The following KIF13B variants were observed in gnomAD, a reference collection of about 807,000 sequenced individuals.
The protein encoded by KIF13B is kinesin family member 13B, also known as kinesin-like protein KIF13B.
In KIF13B, 127 loss-of-function variants were observed where a neutral mutation model predicts 222.0. That is an observed-to-expected ratio of 0.57 (90% CI 0.50 to 0.66). KIF13B has a LOEUF of 0.66. KIF13B is among the 30% of genes least tolerant of loss of function. The probability of loss-of-function intolerance (pLI) is 0.00; values close to 1 mark genes in which losing one functional copy is unlikely to be tolerated. For missense variants in KIF13B, 2,173 were observed against 2,379.0 expected (o/e 0.91, Z 1.80); for synonymous variants, 976 against 919.0 (o/e 1.06, Z -1.12).
chr8:29,227,300 A>G (rs1210160334), intron 2 of KIF13B, among the ~76,000 whole-genome samples: 1 of 151,742 alleles, frequency 6.6e-6, no homozygotes, highest in Admixed American at 6.6e-5. Context: ...TTTATTTTTT[A>G]TTTTTTGAGA....
At chr8:29,092,275 G>T (rs922635001) in intron 37 of KIF13B, among the ~76,000 whole-genome samples, 2 of 152,176 alleles carry the variant, frequency 1.3e-5, no homozygotes, top group African/African-American at 4.8e-5. Flanking sequence ...AGAGTTTTAA[G>T]AGAAAAGGAT....
chr8:29,147,700 T>C (rs1269028665), intron 16 of KIF13B, 98 bp from the exon 17 acceptor site: 4 of 835,068 alleles, frequency 4.8e-6, no homozygotes, highest in South Asian at 1.7e-5. Flanking sequence ...ATCTTAACTA[T>C]ACCACCTAAT....
intron 37 of KIF13B, among the ~76,000 whole-genome samples, chr8:29,090,556 G>C (rs904001267): frequency 6.6e-6 from 1 of 152,100 alleles, no homozygotes; most frequent in African/African-American, 2.4e-5. Context: ...AGGACAAGGC[G>C]GTGTGGGCAA....
intron 21 of KIF13B, among the ~76,000 whole-genome samples, chr8:29,136,071 T>TAC (rs1210297751): frequency 6.6e-6 from 1 of 152,208 alleles, no homozygotes; most frequent in African/African-American, 2.4e-5. Context: ...CCTAGATAGC[T>TAC]ACTTCCTGAC....
At chr8:29,147,237 A>T (rs1392613465) in intron 17 of KIF13B, among the ~76,000 whole-genome samples, 155 bp downstream of exon 17, 1 of 152,260 alleles carries the variant, frequency 6.6e-6, no homozygotes, top group Non-Finnish European at 1.5e-5. Flanking sequence ...CCTTTTAAAA[A>T]CAAATGCAAA....
chr8:29,231,424 C>T (rs1815280633), intron 2 of KIF13B, among the ~76,000 whole-genome samples: 2 of 152,160 alleles, frequency 1.3e-5, no homozygotes, highest in Non-Finnish European at 2.9e-5. Context: ...TACCCAATCC[C>T]CCAAAGAAGA....
intron 2 of KIF13B, among the ~76,000 whole-genome samples, chr8:29,207,514 C>T (rs1010806141): frequency 3.3e-5 from 5 of 152,078 alleles, no homozygotes; most frequent in Admixed American, 1.3e-4. Context: ...CATGAAATGA[C>T]GAGCTTGTCT....
intron 30 of KIF13B, 83 bp downstream of exon 30, chr8:29,118,785 A>T: frequency 7.2e-7 from 1 of 1,391,244 alleles, no homozygotes; most frequent in African/African-American, 1.5e-5. Flanking sequence ...TACTGGCATG[A>T]TTGCCTTATT....
chr8:29,137,031 A>G (rs955973870), intron 21 of KIF13B, among the ~76,000 whole-genome samples: 1 of 151,736 alleles, frequency 6.6e-6, no homozygotes, highest in African/African-American at 2.4e-5. Context: ...CGATCTCCTG[A>G]CCTTGTGATC....
intron 29 of KIF13B, among the ~76,000 whole-genome samples, chr8:29,119,423 G>A (rs1322792839): frequency 2.6e-5 from 4 of 152,186 alleles, no homozygotes; most frequent in Admixed American, 6.5e-5. Flanking sequence ...TGGAAGGACT[G>A]CACCATGGCC....
In KIF13B at chr8:29,070,558, G is replaced by A. The variant is rs1399252631; in HGVS notation, c.5427C>T (p.Ala1809=). 1.2e-6 allele frequency: 2 copies of A among 1,608,122 alleles called. No individual in the cohort carries two copies. Among genetic ancestry groups the A allele is most frequent in the Admixed American group, 3.4e-5 (2 of 59,520 alleles). ...TNLASLTAAL[A]KADRSHKNPE... is the part of the protein sequence containing the mutation. ...GGTTCTTGTGGCTCCTGTCGGCCTT[G>A]GCCAGGGCAGCTGTCAGCGAGGCCA... Residue 1809 remains alanine (A), a synonymous_variant, in exon 40 of 40, where the codon GCC becomes GCT. Coordinates refer to ENST00000524189, the MANE Select transcript of KIF13B (RefSeq NM_015254.4). This position sits in a 1 kb window ranked among gnomAD's most constrained non-coding sequence, Gnocchi z 4.1.
intron 35 of KIF13B, among the ~76,000 whole-genome samples, chr8:29,103,820 G>A (rs1426725248): frequency 6.6e-6 from 1 of 152,014 alleles, no homozygotes; most frequent in Non-Finnish European, 1.5e-5. Context: ...GTTACTCGGG[G>A]ACCCCAAGGA....
intron 4 of KIF13B, chr8:29,189,697 AG>A (rs1305823812): frequency 6.6e-6 from 1 of 152,324 alleles, no homozygotes; most frequent in Non-Finnish European, 1.5e-5. Flanking sequence ...CCTGCAGCCT[AG>A]GGTTCCTTTT....
chr8:29,231,703 A>G (rs1304134192), intron 2 of KIF13B, among the ~76,000 whole-genome samples: 1 of 152,332 alleles, frequency 6.6e-6, no homozygotes, highest in East Asian at 1.9e-4. Context: ...GACAGTTTGC[A>G]TTTCACAGGT....
At chr8:29,158,878 A>G (rs1392105963) in intron 13 of KIF13B, among the ~76,000 whole-genome samples, 1 of 152,202 alleles carries the variant, frequency 6.6e-6, no homozygotes, top group East Asian at 1.9e-4. Context: ...TTCTTTGTTT[A>G]CGTTTTTAGT....
intron 23 of KIF13B, 78 bp from the exon 24 acceptor site, chr8:29,130,743 G>T (rs1489807437): frequency 8.3e-6 from 11 of 1,331,136 alleles, no homozygotes; most frequent in African/African-American, 1.5e-5. Context: ...ACACACATAA[G>T]AATTAACAAT....
At chr8:29,178,362 T>C (rs1812569286) in intron 8 of KIF13B, among the ~76,000 whole-genome samples, 1 of 152,202 alleles carries the variant, frequency 6.6e-6, no homozygotes, top group African/African-American at 2.4e-5. Flanking sequence ...CTTATTCATA[T>C]ATAATTCCAT....
intron 2 of KIF13B, among the ~76,000 whole-genome samples, chr8:29,204,660 C>G (rs1464126046): frequency 6.6e-6 from 1 of 152,168 alleles, no homozygotes; most frequent in South Asian, 2.1e-4. Flanking sequence ...AATACACACT[C>G]ATTTTAATCA....
chr8:29,199,713 T>C (rs955748170), intron 2 of KIF13B, among the ~76,000 whole-genome samples: 1 of 152,170 alleles, frequency 6.6e-6, no homozygotes, highest in African/African-American at 2.4e-5. Flanking sequence ...AAGGTCCACG[T>C]TCTTGCCCAC....
Sources: gnomAD v4.1 joint callset for allele counts (sites outside exome capture counted in the v4.1 genomes callset) on GRCh38, gnomAD v4.1.1 for gene constraint, Gnocchi (gnomAD v3.1) non-coding constraint, MANE v1.5 for transcripts, NCBI Gene and HGNC (gene_info 2026-07-23, HGNC 2026-07-21) for gene names.